The following CACNA2D3 variants were observed in gnomAD, a reference collection of about 807,000 sequenced individuals.
CACNA2D3 encodes voltage-dependent calcium channel subunit alpha-2/delta-3.
In CACNA2D3, 60 loss-of-function variants were observed where a neutral mutation model predicts 160.6. The ratio of observed to expected loss-of-function variants is 0.37; its 90% CI spans 0.30 to 0.46. The LOEUF is 0.46. Ranked by LOEUF, CACNA2D3 falls within the 20% of genes least tolerant of loss-of-function variation. CACNA2D3 has a pLI of 1.00. For missense variants in CACNA2D3, 1,205 were observed against 1,365.0 expected, an observed-to-expected ratio of 0.88 and a Z score of 1.85; for synonymous variants, 558 against 492.9, an observed-to-expected ratio of 1.13 and a Z score of -1.75.
chr3:54,263,681 A>G (rs1413306727), intron 2 of CACNA2D3, among the ~76,000 whole-genome samples: 1 of 152,168 alleles, frequency 6.6e-6, no homozygotes, highest in Non-Finnish European at 1.5e-5. Context: ...CAGTTTATTG[A>G]TACAGCAAAC....
At chr3:54,760,832 T>C (rs1177644689) in intron 12 of CACNA2D3, among the ~76,000 whole-genome samples, 1 of 152,116 alleles carries the variant, frequency 6.6e-6, no homozygotes, top group Non-Finnish European at 1.5e-5. Context: ...AATGACCAAC[T>C]GGGAGAGGAA....
intron 17 of CACNA2D3, among the ~76,000 whole-genome samples, chr3:54,858,073 A>T (rs1438682583): frequency 1.3e-5 from 2 of 151,618 alleles, no homozygotes; most frequent in Non-Finnish European, 2.9e-5. Flanking sequence ...TACTAGATTA[A>T]TTTCATATCT....
At chr3:54,283,017 A>C (rs977671334) in intron 2 of CACNA2D3, among the ~76,000 whole-genome samples, 1 of 152,242 alleles carries the variant, frequency 6.6e-6, no homozygotes, top group Non-Finnish European at 1.5e-5. Context: ...CTTTTGATGA[A>C]GCAGTTTCGT....
At chr3:54,723,361 T>G (rs555089453) in intron 11 of CACNA2D3, among the ~76,000 whole-genome samples, 4 of 152,326 alleles carry the variant, frequency 2.6e-5, no homozygotes, top group African/African-American at 7.2e-5. Flanking sequence ...GACAGACCAC[T>G]TGGCTCCCTG....
intron 13 of CACNA2D3, among the ~76,000 whole-genome samples, chr3:54,797,113 G>T (rs565473826): frequency 6.6e-6 from 1 of 152,310 alleles, no homozygotes; most frequent in Non-Finnish European, 1.5e-5. Context: ...TTTGCTAAAT[G>T]ATGCTCTCTG....
intron 29 of CACNA2D3, among the ~76,000 whole-genome samples, chr3:54,977,657 A>T (rs2107088293): frequency 6.6e-6 from 1 of 152,028 alleles, no homozygotes; most frequent in East Asian, 1.9e-4. Flanking sequence ...CCACTTCTGT[A>T]CTCAACATGT....
At chr3:54,599,494 C>T (rs1245494586) in intron 9 of CACNA2D3, among the ~76,000 whole-genome samples, 1 of 152,122 alleles carries the variant, frequency 6.6e-6, no homozygotes, top group Non-Finnish European at 1.5e-5. Flanking sequence ...CCCACATGCT[C>T]CCCAATTTGT....
chr3:54,518,447 G>A (rs151021528), intron 5 of CACNA2D3, among the ~76,000 whole-genome samples: 7 of 152,278 alleles, frequency 4.6e-5, no homozygotes, highest in Non-Finnish European at 8.8e-5. Flanking sequence ...GCCCCTCTGA[G>A]AAGCACCGAG....
intron 27 of CACNA2D3, among the ~76,000 whole-genome samples, chr3:54,905,993 C>A (rs1172593033): frequency 6.6e-6 from 1 of 152,124 alleles, no homozygotes; most frequent in African/African-American, 2.4e-5. Context: ...CCAGAAGGCA[C>A]TGTGGAGGGT....
intron 13 of CACNA2D3, among the ~76,000 whole-genome samples, chr3:54,808,709 T>C (rs1431862945): frequency 3.9e-5 from 6 of 152,180 alleles, no homozygotes; most frequent in Non-Finnish European, 8.8e-5. Context: ...TGTAAAATTG[T>C]AGTAATAACA....
At chr3:54,216,649 T>C (rs1248999216) in intron 2 of CACNA2D3, among the ~76,000 whole-genome samples, 1 of 152,206 alleles carries the variant, frequency 6.6e-6, no homozygotes, top group Non-Finnish European at 1.5e-5. Flanking sequence ...CAGAGCATAA[T>C]TGGAGTTAGA....
intron 2 of CACNA2D3, among the ~76,000 whole-genome samples, chr3:54,231,091 G>A (rs929904727): frequency 6.6e-6 from 1 of 152,142 alleles, no homozygotes; most frequent in Admixed American, 6.5e-5. Context: ...CATGTGAGCC[G>A]GGGTGTGGTG....
chr3:54,461,456 C>T (rs1435717861), intron 4 of CACNA2D3, among the ~76,000 whole-genome samples: 2 of 151,230 alleles, frequency 1.3e-5, no homozygotes, highest in African/African-American at 4.9e-5. Flanking sequence ...ATTTCAGCTC[C>T]TGTTATTGGT....
intron 27 of CACNA2D3, among the ~76,000 whole-genome samples, chr3:54,912,628 C>T (rs1370526934): frequency 6.6e-6 from 1 of 152,112 alleles, no homozygotes; most frequent in Non-Finnish European, 1.5e-5. Flanking sequence ...TCAGCAGGGA[C>T]CTTCCTTATC....
intron 13 of CACNA2D3, among the ~76,000 whole-genome samples, chr3:54,786,313 T>C (rs1418199513): frequency 1.3e-5 from 2 of 152,336 alleles, no homozygotes; most frequent in African/African-American, 4.8e-5. Flanking sequence ...ACCATACAAA[T>C]GGTAATATGG....
rs974364295 is a variant in CACNA2D3, at chr3:54,512,123, G to A, written c.544+8469G>A. 2.0e-5 allele frequency among the ~76,000 whole-genome samples: 3 copies of A among 152,180 alleles called. No individual in the cohort carries two copies. The East Asian group carries it at 5.8e-4, about 29-fold the overall frequency. On this transcript the variant is annotated intron_variant, in intron 5 of 37. Transcript: ENST00000474759. ...TAGACTTCCAGGATTTAAGAAGCAC[G>A]GTAGAGACCAGTAGATGGTCTGCAG...
At chr3:54,662,092 T>C (rs1011518592) in intron 11 of CACNA2D3, among the ~76,000 whole-genome samples, 3 of 152,152 alleles carry the variant, frequency 2.0e-5, no homozygotes, top group Non-Finnish European at 2.9e-5. Context: ...CATGTTCCTC[T>C]GGGTCACCAG....
At chr3:54,613,384 C>G (rs1283573644) in intron 9 of CACNA2D3, among the ~76,000 whole-genome samples, 2 of 152,164 alleles carry the variant, frequency 1.3e-5, no homozygotes, top group African/African-American at 4.8e-5. Context: ...GTAATGGGAG[C>G]ACTTATTTCA....
At chr3:54,763,087 CAA>C (rs10662094) in intron 12 of CACNA2D3, among the ~76,000 whole-genome samples, 5 of 120,662 alleles carry the variant, frequency 4.1e-5, no homozygotes, top group Non-Finnish European at 3.3e-5. Flanking sequence ...GACTCCATCT[CAA>C]AAAAAAAAAA....
Sources: allele counts gnomAD v4.1 joint callset (sites outside exome capture counted in the v4.1 genomes callset), GRCh38; gene constraint gnomAD v4.1.1; transcripts MANE v1.5; gene names NCBI Gene and HGNC (gene_info 2026-07-23, HGNC 2026-07-21).